MYO18B: variants seen among roughly 807,000 people sequenced by gnomAD.
MYO18B encodes myosin XVIIIB, also known as unconventional myosin-XVIIIb.
MYO18B carries 204 observed loss-of-function variants against 273.0 expected under a neutral mutation model. The ratio of observed to expected loss-of-function variants is 0.75; its 90% confidence interval spans 0.67 to 0.84. MYO18B has a LOEUF of 0.84. MYO18B is among the 40% of genes least tolerant of loss of function. The pLI is 0.00. For synonymous variants in MYO18B, 1,330 were observed against 1,305.7 expected (o/e 1.02, Z -0.40); for missense variants, 3,212 against 3,287.6 (o/e 0.98, Z 0.56).
chr22:25,920,818 G>A lies in MYO18B; in HGVS notation c.5365-439G>A, dbSNP rs116742280. Among the ~76,000 whole-genome samples, 305 of 152,240 alleles carry A rather than the reference G, an allele frequency of 2.0e-3. 3 individuals carry two copies. Among genetic ancestry groups the A allele is most frequent in the African/African-American group, 7.1e-3 (296 of 41,538 alleles). On this transcript the variant is annotated intron_variant, in intron 33 of 43. Transcript: ENST00000335473. ...AGTCCAGAGGCTCTGTCCAGTCCCTGCCCACCCAGGACTGTCCTAACTGCT... is the reference window on the plus strand; with the variant it reads ...AGTCCAGAGGCTCTGTCCAGTCCCTACCCACCCAGGACTGTCCTAACTGCT...
At chr22:25,815,045 C>T (rs912897204) in intron 12 of MYO18B, among the ~76,000 whole-genome samples, 1 of 152,208 alleles carries the variant, frequency 6.6e-6, no homozygotes, top group Non-Finnish European at 1.5e-5. Flanking sequence ...CATAATCATG[C>T]CTTTTTGTAT....
In MYO18B at chr22:25,769,271, C is replaced by T. The variant is rs376666018; in HGVS notation, c.1355C>T (p.Ala452Val). The change falls in exon 4 of 44, where the codon GCA becomes GTA. Residue 452 changes from alanine to valine, a missense_variant. Transcript: ENST00000335473. ...GQEAEEPCSR[A>V]GDGAGALETE... is the part of the protein sequence containing the mutation. ...GAAGCAGAGGAGCCCTGCTCAAGAG[C>T]AGGTGATGGGGCTGGTGCCCTGGAG... 1.3e-6 allele frequency: 2 copies of T among 1,589,300 alleles called. No individual in the cohort carries two copies. The highest frequency in any genetic ancestry group is 1.7e-6 in the Non-Finnish European group (2 of 1,168,382).
intron 22 of MYO18B, 34 bp from the exon 23 acceptor site, chr22:25,874,252 C>G: frequency 6.2e-7 from 1 of 1,612,464 alleles, no homozygotes; most frequent in East Asian, 2.2e-5. Context: ...CCTTCTTCAG[C>G]AGAGGACTCA....
At chr22:25,758,802 G>C (rs1319880521) in intron 1 of MYO18B, among the ~76,000 whole-genome samples, 1 of 150,930 alleles carries the variant, frequency 6.6e-6, no homozygotes, top group Non-Finnish European at 1.5e-5. Flanking sequence ...CTGTTGCCCA[G>C]ACTGGAGTGC....
intron 38 of MYO18B, 89 bp downstream of exon 38, chr22:25,952,512 T>G: frequency 6.7e-7 from 1 of 1,496,022 alleles, no homozygotes; most frequent in Non-Finnish European, 9.1e-7. Context: ...CTCATCTATC[T>G]ACTCACATGC....
chr22:25,969,392 C>T (rs1258890880), intron 39 of MYO18B, among the ~76,000 whole-genome samples: 1 of 152,188 alleles, frequency 6.6e-6, no homozygotes, highest in African/African-American at 2.4e-5. Context: ...TCCACCCTGG[C>T]CCCTGAGGCA....
intron 33 of MYO18B, among the ~76,000 whole-genome samples, chr22:25,913,364 C>CTTTTT (rs1193766561): frequency 1.3e-5 from 2 of 151,794 alleles, no homozygotes; most frequent in Non-Finnish European, 2.9e-5. Flanking sequence ...GTGGCTTTTT[C>CTTTTT]TTTTCTTTTC....
At chr22:25,795,197 T>C (rs180771727) in intron 11 of MYO18B, among the ~76,000 whole-genome samples, 4 of 152,360 alleles carry the variant, frequency 2.6e-5, no homozygotes, top group African/African-American at 9.6e-5. Context: ...AGTTGACTTA[T>C]TCTGTTCACT....
At chr22:25,990,624 T>C (rs571863485) in intron 39 of MYO18B, among the ~76,000 whole-genome samples, 1 of 132,308 alleles carries the variant, frequency 7.6e-6, no homozygotes, top group Non-Finnish European at 1.5e-5. Context: ...GAGGTGGAGG[T>C]TGCAGTGAGC....
At chr22:25,903,356 C>A (rs2091976102) in intron 30 of MYO18B, 1 of 420,660 alleles carries the variant, frequency 2.4e-6, no homozygotes, top group Non-Finnish European at 4.3e-6. Flanking sequence ...GGGGTCAACC[C>A]TTCCTGTAGG....
intron 22 of MYO18B, among the ~76,000 whole-genome samples, chr22:25,872,302 A>G (rs2146172826): frequency 6.6e-6 from 1 of 152,354 alleles, no homozygotes; most frequent in Admixed American, 6.5e-5. Context: ...ACCTGGAATC[A>G]AATTGCAGTT....
At position 25,961,912 on chromosome 22, in the gene MYO18B, C is replaced by G. The variant is rs148795777; in HGVS notation, c.6156+6548C>G. Among the ~76,000 whole-genome samples, 718 of 152,286 alleles carry G rather than the reference C, an allele frequency of 4.7e-3. 8 individuals are homozygous for G. Among genetic ancestry groups the G allele is most frequent in the South Asian group, 0.021 (101 of 4,816 alleles). On this transcript the variant is annotated intron_variant, in intron 39 of 43. Transcript: ENST00000335473. The stretch of plus-strand genomic sequence containing the variant: ...AGAAATGGCTGTTGAAAACAGCCTT[C>G]CACTTCCTCCTCTCTGTCTTGCTTC...
At chr22:25,800,459 TAGAC>T (rs2088143482) in intron 12 of MYO18B, among the ~76,000 whole-genome samples, 3 of 152,310 alleles carry the variant, frequency 2.0e-5, no homozygotes, top group Middle Eastern at 6.8e-3. Flanking sequence ...AACAGACCCT[TAGAC>T]AGAGATGTGG....
At position 25,864,515 on chromosome 22, in the gene MYO18B, G is replaced by A. The variant is rs375042399; in HGVS notation, c.3886-3805G>A. 2.1e-3 allele frequency among the ~76,000 whole-genome samples: 327 copies of A among 152,302 alleles called. 18 individuals carry two copies. In the South Asian group the frequency reaches 0.066, roughly 31 times the overall value. On this transcript the variant is annotated intron_variant, in intron 21 of 43. Coordinates refer to ENST00000335473, the MANE Select transcript of MYO18B (RefSeq NM_032608.7). ...AAAGCAAACTGAAGACCAGAGAGGA[G>A]GAGAGGCTTGCTCAGGGTCACACAG...
At chr22:25,952,725 C>G (rs2092806940) in intron 38 of MYO18B, among the ~76,000 whole-genome samples, 1 of 152,052 alleles carries the variant, frequency 6.6e-6, no homozygotes, top group Admixed American at 6.5e-5. Flanking sequence ...TCCTCTCTTC[C>G]TCTATTATTT....
chr22:25,929,591 A>G (rs2092469476), intron 34 of MYO18B, among the ~76,000 whole-genome samples: 1 of 152,162 alleles, frequency 6.6e-6, no homozygotes, highest in South Asian at 2.1e-4. Flanking sequence ...TGTCTCTTCC[A>G]CAGAGGCAAT....
intron 12 of MYO18B, among the ~76,000 whole-genome samples, chr22:25,808,050 T>C (rs1365640445): frequency 6.6e-6 from 1 of 152,136 alleles, no homozygotes; most frequent in Non-Finnish European, 1.5e-5. Context: ...GTGGTGGGGA[T>C]GGAATGGCTC....
intron 19 of MYO18B, 64 bp downstream of exon 19, chr22:25,846,347 G>T (rs1485420066): frequency 1.9e-5 from 30 of 1,559,450 alleles, no homozygotes; most frequent in Non-Finnish European, 2.4e-5. Context: ...TCTCCTCTGG[G>T]CTGAGTCATG....
At chr22:25,841,387 A>G (rs2090078100) in intron 17 of MYO18B, among the ~76,000 whole-genome samples, 1 of 152,238 alleles carries the variant, frequency 6.6e-6, no homozygotes, top group African/African-American at 2.4e-5. Context: ...AGTCAACTTC[A>G]GGATAAAGGA....
Sources: allele counts gnomAD v4.1 joint callset (sites outside exome capture counted in the v4.1 genomes callset), GRCh38; gene constraint gnomAD v4.1.1; transcripts MANE v1.5; gene names NCBI Gene and HGNC (gene_info 2026-07-23, HGNC 2026-07-21).